The following TK2 variants were observed in gnomAD, a reference collection of about 807,000 sequenced individuals.
The protein encoded by TK2 is thymidine kinase 2, also known as thymidine kinase 2, mitochondrial.
Under a neutral mutation model 41.9 loss-of-function variants are expected in TK2, and 35 were observed. The observed-to-expected ratio is 0.84, with a 90% CI of 0.64 to 1.11. The LOEUF is 1.11. Ranked by LOEUF, TK2 falls within the 50% of genes least tolerant of loss-of-function variation. TK2 has a pLI of 0.00. For missense variants in TK2, 320 were observed against 351.1 expected (o/e 0.91, Z 0.71); for synonymous variants, 128 against 129.1 (o/e 0.99, Z 0.06).
intron 4 of TK2, among the ~76,000 whole-genome samples, chr16:66,533,881 G>GTA (rs1965195910): frequency 1.3e-5 from 2 of 151,526 alleles, no homozygotes. Flanking sequence ...GGTGGTGGGC[G>GTA]CCTGTAGTCC....
intron 2 of TK2, among the ~76,000 whole-genome samples, chr16:66,548,435 T>A (rs1300821113): frequency 1.3e-5 from 2 of 152,126 alleles, no homozygotes; most frequent in Non-Finnish European, 2.9e-5. Context: ...AAGCACCCAA[T>A]ATCCCCATGG....
At position 66,536,465 on chromosome 16, in the gene TK2, A is replaced by G. The variant is rs559339720; in HGVS notation, c.285+499T>C. Among the ~76,000 whole-genome samples, 24 of 152,198 alleles carry G rather than the reference A, an allele frequency of 1.6e-4. No individual in the cohort carries two copies. In the South Asian group the frequency reaches 4.8e-3, roughly 30 times the overall value. On this transcript the variant is annotated intron_variant, in intron 4 of 9. Transcript: ENST00000544898. The stretch of plus-strand genomic sequence containing the variant: ...TGAAGGAAGGGACACAGCACACTAC[A>G]GCCCCTGTTGCTAGGTTCACCCTTG...
chr16:66,520,500 C>A (rs750544225), intron 6 of TK2, among the ~76,000 whole-genome samples: 2 of 152,154 alleles, frequency 1.3e-5, no homozygotes, highest in Admixed American at 6.5e-5. Flanking sequence ...CAGCCAGGGG[C>A]CCAATTTGGA....
chr16:66,530,754 G>A (rs1261676231), intron 5 of TK2, among the ~76,000 whole-genome samples: 1 of 148,558 alleles, frequency 6.7e-6, no homozygotes, highest in Non-Finnish European at 1.5e-5. Context: ...GTCTCACTCT[G>A]TCACCCAGGC....
chr16:66,549,887 G>A (rs758957726), intron 1 of TK2, 51 bp downstream of exon 1: 9 of 1,310,772 alleles, frequency 6.9e-6, no homozygotes, highest in Non-Finnish European at 8.7e-6. Context: ...GGGGCCGGGA[G>A]TAGGTGGGCG....
chr16:66,529,425 G>C, intron 5 of TK2, among the ~76,000 whole-genome samples: 1 of 152,236 alleles, frequency 6.6e-6, no homozygotes, highest in East Asian at 1.9e-4. Flanking sequence ...CTGTCCACTT[G>C]AGGCAACATG....
At chr16:66,546,876 C>T (rs528159139) in intron 2 of TK2, among the ~76,000 whole-genome samples, 8 of 152,090 alleles carry the variant, frequency 5.3e-5, no homozygotes, top group African/African-American at 9.6e-5. Context: ...CTCAGCCTCC[C>T]GAGTAGCTAG....
Position 66,512,025 on chromosome 16 carries a change from G to A in TK2, c.741C>T (p.Leu247=). 6.2e-7 allele frequency: 1 copy of A among 1,614,176 alleles called. No homozygotes were observed. Among genetic ancestry groups the A allele is most frequent in the Non-Finnish European group, 8.5e-7 (1 of 1,180,046 alleles). The change falls in exon 10 of 10, where the codon CTC becomes CTT. Residue 247 remains leucine (L), a synonymous_variant. Transcript: ENST00000544898. ...ADHHMERMLE[L]FEQNRDRILT... is the part of the protein sequence containing the mutation. ...ATATTCGATCCCGATTTTGTTCAAA[G>A]AGTTCTAACATCCTCTCCATGTGGT...
At position 66,549,003 on chromosome 16, in the gene TK2, T is replaced by A; in HGVS notation, c.131A>T (p.Glu44Val). The A allele has an allele frequency of 6.2e-7, 1 of 1,613,892 alleles. No homozygotes were observed. The highest frequency in any genetic ancestry group is 8.5e-7 in the Non-Finnish European group (1 of 1,179,764). The change falls in exon 2 of 10, where the codon GAA becomes GTA. Residue 44 changes from glutamate (E) to valine (V), a missense_variant. By Grantham distance (121) the Glu-to-Val change is moderately radical. Transcript: ENST00000544898. ...CACTGATTTTTTCTCTTTTTCCTGT[T>A]CTTTATCTACAAAAGAAAGGAAATC... Reference protein sequence around the residue: ...VQRRAWPPDKEQEKEKKSVIC... With the variant: ...VQRRAWPPDKVQEKEKKSVIC...
At position 66,548,767 on chromosome 16, in the gene TK2, C is replaced by T. The variant is rs932941110; in HGVS notation, c.156+211G>A. 6.9e-6 allele frequency: 4 copies of T among 581,178 alleles called. No individual in the cohort carries two copies. The East Asian group carries it at 8.6e-5, about 12-fold the overall frequency. The allele number at this position is 581,178 out of a possible 1,614,324, so 36.0% of individuals were successfully genotyped here. On this transcript the variant is annotated intron_variant, in intron 2 of 9. Transcript: ENST00000544898. ...CCTGAAGGATACAAATACTTGTGTG[C>T]TCCTATCTGTGCAGACTCTGGGGAA...
rs1964416368 is a variant in TK2, at chr16:66,510,340, T to C, written c.*1628A>G. The C allele has an allele frequency of 2.0e-5, 3 of 152,332 alleles. No individual in the cohort carries two copies. The highest frequency in any genetic ancestry group is 1.3e-4 in the Admixed American group (2 of 15,298). The allele number at this position is 152,332 out of a possible 1,614,324, so 9.4% of individuals were successfully genotyped here. A position where few individuals can be genotyped will look rare whatever the true frequency, so the allele number is the denominator to read the frequency against. On this transcript the variant is annotated 3_prime_UTR_variant, in exon 10 of 10. Coordinates refer to ENST00000544898, the MANE Select transcript of TK2 (RefSeq NM_004614.5). ...GACAGACCCCACATGTCAAGATTCC[T>C]GGTAGCAAAGGTTCTGCCTTCGCCA...
At chr16:66,532,513 G>A (rs1168096853) in intron 4 of TK2, among the ~76,000 whole-genome samples, 1 of 152,036 alleles carries the variant, frequency 6.6e-6, no homozygotes, top group Admixed American at 6.5e-5. Context: ...GCTGAGACAT[G>A]AGAATCGCTT....
rs192029432 is a variant in TK2, at chr16:66,528,175, C to T, written c.449+819G>A. Among the ~76,000 whole-genome samples the T allele has an allele frequency of 1.8e-3, 274 of 152,274 alleles. 1 individual carries two copies. Among genetic ancestry groups the T allele is most frequent in the Admixed American group, 2.6e-3 (40 of 15,302 alleles). ...TGAGAGTGGGAGGAAGGGCCTCCAG[C>T]GTTGACATCCGAACAGCTCTGCGAG... is the stretch of plus-strand genomic sequence containing the variant. On this transcript the variant is annotated intron_variant, in intron 6 of 9. Transcript: ENST00000544898.
chr16:66,514,032 G>A lies in TK2; in HGVS notation c.619-221C>T, dbSNP rs1964531882. Among the ~76,000 whole-genome samples, 1 of 152,188 alleles carries A rather than the reference G, an allele frequency of 6.6e-6. No homozygotes were observed. Among genetic ancestry groups the A allele is most frequent in the Admixed American group, 6.5e-5 (1 of 15,278 alleles). ...CAGCACAAGTGTCACCAGCCACCCT[G>A]CTCTGCTCCACTGGGGGTTCGTGGG... On this transcript the variant is annotated intron_variant, in intron 8 of 9. Coordinates refer to ENST00000544898, the MANE Select transcript of TK2 (RefSeq NM_004614.5). This position sits in a 1 kb window ranked among gnomAD's most constrained non-coding sequence, Gnocchi z 4.2.
chr16:66,547,013 G>C (rs374871099), intron 2 of TK2, among the ~76,000 whole-genome samples: 1 of 152,020 alleles, frequency 6.6e-6, no homozygotes, highest in African/African-American at 2.4e-5. Context: ...TTTGCCTCCC[G>C]AAGTGCTGGG....
intron 6 of TK2, among the ~76,000 whole-genome samples, chr16:66,522,373 G>A (rs1964805884): frequency 6.6e-6 from 1 of 152,226 alleles, no homozygotes. Context: ...AGCCACAGGT[G>A]AGTCAGCATG....
chr16:66,511,929 C>G lies in TK2; in HGVS notation c.*39G>C. On this transcript the variant is annotated 3_prime_UTR_variant, in exon 10 of 10. Transcript: ENST00000544898. Reference sequence around the variant, plus strand: ...CTCCCAATAGCTAACTTGGCAGCAGCAGGCATTTTTCAGACATGAGCCATA... The same window carrying G: ...CTCCCAATAGCTAACTTGGCAGCAGGAGGCATTTTTCAGACATGAGCCATA... The G allele has an allele frequency of 6.3e-7, 1 of 1,590,380 alleles. No individual in the cohort carries two copies.
At chr16:66,536,563 C>A (rs1292176119) in intron 4 of TK2, among the ~76,000 whole-genome samples, 2 of 152,026 alleles carry the variant, frequency 1.3e-5, no homozygotes, top group African/African-American at 4.8e-5. Flanking sequence ...GTTTGCAAAC[C>A]CAAGTCAGGG....
At chr16:66,548,359 T>C (rs1044008848) in intron 2 of TK2, among the ~76,000 whole-genome samples, 2 of 152,162 alleles carry the variant, frequency 1.3e-5, no homozygotes, top group Admixed American at 6.5e-5. Flanking sequence ...CTAGGGACTT[T>C]CAGTTCTTTT....
Sources: gnomAD v4.1 joint callset for allele counts (sites outside exome capture counted in the v4.1 genomes callset) on GRCh38, gnomAD v4.1.1 for gene constraint, Gnocchi (gnomAD v3.1) non-coding constraint, MANE v1.5 for transcripts, NCBI Gene and HGNC (gene_info 2026-07-23, HGNC 2026-07-21) for gene names.